The following USP30 variants were observed in gnomAD, a reference collection of about 807,000 sequenced individuals.
The protein encoded by USP30 is ubiquitin specific peptidase 30.
In USP30, 41 loss-of-function variants were observed where a neutral mutation model predicts 68.2. The ratio of observed to expected loss-of-function variants is 0.60; its 90% CI spans 0.47 to 0.78. USP30 has a LOEUF of 0.78. USP30 is among the 30% of genes least tolerant of loss of function. The pLI is 0.00. For missense variants in USP30, 522 were observed against 649.4 expected (o/e 0.80, Z 2.13); for synonymous variants, 229 against 253.7 (o/e 0.90, Z 0.93).
intron 3 of USP30, among the ~76,000 whole-genome samples, chr12:109,041,832 G>A (rs1029977333): frequency 1.3e-5 from 2 of 151,892 alleles, no homozygotes; most frequent in Admixed American, 6.6e-5. Context: ...AAGCTTTGAA[G>A]TGGGGTTTTA....
At chr12:109,036,303 CTTTCT>C (rs200893038) in intron 3 of USP30, among the ~76,000 whole-genome samples, 14 of 146,454 alleles carry the variant, frequency 9.6e-5, no homozygotes, top group East Asian at 6.0e-4. Flanking sequence ...GTATTTCTTT[CTTTCT>C]TTTTTTTTTT....
At chr12:109,077,794 G>T in intron 7 of USP30, among the ~76,000 whole-genome samples, 1 of 151,218 alleles carries the variant, frequency 6.6e-6, no homozygotes. Context: ...ACCTTTGTTG[G>T]CCTTTTAGCT....
intron 6 of USP30, among the ~76,000 whole-genome samples, chr12:109,072,813 T>C (rs78982330): frequency 0.013 from 1,916 of 152,334 alleles, 18 homozygotes; most frequent in African/African-American, 0.021. Flanking sequence ...TGCCAGGCAT[T>C]GCATTATCTC....
At chr12:109,055,825 A>AG (rs1040645395) in intron 1 of USP30, among the ~76,000 whole-genome samples, 2 of 151,748 alleles carry the variant, frequency 1.3e-5, no homozygotes, top group African/African-American at 4.8e-5. Context: ...TAAAAAAAAA[A>AG]AAAAGAAAAG....
chr12:109,061,558 G>A (rs544934495), intron 3 of USP30, among the ~76,000 whole-genome samples: 27 of 151,978 alleles, frequency 1.8e-4, no homozygotes, highest in African/African-American at 3.4e-4. Context: ...ACAGGCACAT[G>A]CCACCAGGCC....
chr12:109,048,979 T>C (rs531969040), upstream of USP30, among the ~76,000 whole-genome samples: 2 of 152,164 alleles, frequency 1.3e-5, no homozygotes, highest in Admixed American at 1.3e-4. Flanking sequence ...AGGAGGCATG[T>C]CTGACCTCTC....
At chr12:109,032,293 T>C (rs374130319) in intron 3 of USP30, among the ~76,000 whole-genome samples, 3 of 152,200 alleles carry the variant, frequency 2.0e-5, no homozygotes, top group African/African-American at 7.2e-5. Context: ...GATAGAATGA[T>C]ACTGTCTAAA....
At chr12:109,058,683 A>G (rs2040958842) in intron 3 of USP30, among the ~76,000 whole-genome samples, 1 of 152,234 alleles carries the variant, frequency 6.6e-6, no homozygotes. Context: ...GTTTCATCGT[A>G]AGAAGTATTC....
chr12:109,080,840 C>A (rs1312702897), intron 7 of USP30, among the ~76,000 whole-genome samples: 1 of 152,188 alleles, frequency 6.6e-6, no homozygotes, highest in African/African-American at 2.4e-5. Context: ...ACATGTTATA[C>A]AGGTTGGTAG....
chr12:109,081,626 C>T (rs1213345990), intron 8 of USP30: 3 of 110,020 alleles, frequency 2.7e-5, no homozygotes, highest in South Asian at 1.1e-4. Flanking sequence ...CATGCGCGCA[C>T]ACACACACAC....
intron 7 of USP30, among the ~76,000 whole-genome samples, chr12:109,079,074 C>A (rs1240478666): frequency 3.3e-5 from 5 of 151,952 alleles, no homozygotes; most frequent in Non-Finnish European, 5.9e-5. Context: ...TAGTATTTAT[C>A]TTATTTATCT....
intron 1 of USP30, 32 bp from the exon 2 acceptor site, chr12:109,056,650 A>G (rs200769239): frequency 7.4e-5 from 113 of 1,525,644 alleles, no homozygotes; most frequent in Admixed American, 9.4e-5. Flanking sequence ...TGTTTGTGTG[A>G]GGGAAGACAG....
At position 109,052,591 on chromosome 12, in the gene USP30, G is replaced by C. The variant is rs1337925970; in HGVS notation, c.-88G>C. 3.8e-6 allele frequency: 5 copies of C among 1,318,030 alleles called. No individual in the cohort carries two copies. In the African/African-American group the frequency reaches 6.2e-5, roughly 16 times the overall value. 81.6% of individuals were successfully genotyped at this position (1,318,030 alleles called of 1,614,324 possible). A position where few individuals can be genotyped will look rare whatever the true frequency, so the allele number is the denominator to read the frequency against. On this transcript the variant is annotated 5_prime_UTR_variant, in exon 1 of 13. Transcript: ENST00000257548. ...TGCTGGGACTGCGGCCGCAGGTTCC[G>C]CTGTCTCGGGAACCGTCGTATCCCT...
rs759662917 is a variant in USP30 at position 109,058,064 on chromosome 12, C to T, written c.332C>T (p.Pro111Leu). 6.2e-7 allele frequency: 1 copy of T among 1,613,970 alleles called. No homozygotes were observed. Among genetic ancestry groups the T allele is most frequent in the Non-Finnish European group, 8.5e-7 (1 of 1,179,972 alleles). Residue 111 changes from proline to leucine, a missense_variant, in exon 3 of 13, where the codon CCC (proline) becomes CTC (leucine). Coordinates refer to ENST00000257548, the MANE Select transcript of USP30 (RefSeq NM_032663.5). ...SQYSRDQKEP[P>L]SHQYLSLTLL... ...TACTCCAGGGATCAGAAGGAGCCCC[C>T]CTCACACCAGTATTTATCCTTAACA...
At chr12:109,028,039 C>T (rs993538926) in intron 3 of USP30, among the ~76,000 whole-genome samples, 2 of 152,192 alleles carry the variant, frequency 1.3e-5, no homozygotes, top group African/African-American at 4.8e-5. Context: ...AATTTCTGCA[C>T]ATTCTCCTCA....
At chr12:109,046,146 G>C (rs1034015076) in intron 3 of USP30, among the ~76,000 whole-genome samples, 3 of 137,014 alleles carry the variant, frequency 2.2e-5, no homozygotes, top group African/African-American at 8.1e-5. Flanking sequence ...CTGTTGCTAG[G>C]CTGGAGTGCA....
chr12:109,048,077 A>AC (rs1242035823), upstream of USP30, among the ~76,000 whole-genome samples: 2 of 142,050 alleles, frequency 1.4e-5, no homozygotes, highest in African/African-American at 5.4e-5. Flanking sequence ...TAGAATGCCT[A>AC]CTTTTTTTTT....
intron 2 of USP30, among the ~76,000 whole-genome samples, chr12:109,026,903 G>A (rs2040449027): frequency 6.6e-6 from 1 of 152,080 alleles, no homozygotes; most frequent in South Asian, 2.1e-4. Context: ...CTCTTTCCTT[G>A]GCACATAAGC....
At chr12:109,051,175 C>A (rs2040663961), upstream of USP30, among the ~76,000 whole-genome samples, 1 of 151,492 alleles carries the variant, frequency 6.6e-6, no homozygotes, top group Non-Finnish European at 1.5e-5. Context: ...AGGCATAAGC[C>A]ACTGCACCTG....
Sources: allele counts gnomAD v4.1 joint callset (sites outside exome capture counted in the v4.1 genomes callset), GRCh38; gene constraint gnomAD v4.1.1; transcripts MANE v1.5; gene names NCBI Gene and HGNC (gene_info 2026-07-23, HGNC 2026-07-21).